The following MAP3K2 variants were observed in gnomAD, a reference collection of about 807,000 sequenced individuals.
The protein encoded by MAP3K2 is MAP/ERK kinase kinase 2.
Under a neutral mutation model 80.3 loss-of-function variants are expected in MAP3K2, and 24 were observed. That is an observed-to-expected ratio of 0.30 (90% CI 0.22 to 0.42). The LOEUF (loss-of-function observed/expected upper bound fraction) is 0.42, where lower values mean the gene tolerates loss of function less well. Among genes scored for constraint, MAP3K2 ranks in the 10% least tolerant of loss-of-function variants. The probability of loss-of-function intolerance (pLI) is 1.00; values close to 1 mark genes in which losing one functional copy is unlikely to be tolerated. For synonymous variants in MAP3K2, 244 were observed against 253.7 expected (o/e 0.96, Z 0.36); for missense variants, 608 against 750.1 (o/e 0.81, Z 2.21).
Position 127,305,657 on chromosome 2 carries a change from CTGT to C in MAP3K2, c.*1919_*1921del, listed in dbSNP as rs1281291831. The C allele has an allele frequency of 2.0e-5, 3 of 152,122 alleles. No individual in the cohort carries two copies. Among genetic ancestry groups the C allele is most frequent in the African/African-American group, 7.2e-5 (3 of 41,430 alleles). 9.4% of individuals were successfully genotyped at this position (152,122 alleles called of 1,614,324 possible). A position where few individuals can be genotyped will look rare whatever the true frequency, so the allele number is the denominator to read the frequency against. The stretch of plus-strand genomic sequence containing the variant: ...AGGGATTCTGGGGCCTCCAGGAAGA[CTGT>C]TGTTTTCTAGACCTTTAAAATAAAG... On this transcript the variant is annotated 3_prime_UTR_variant, in exon 17 of 17. Transcript: ENST00000682094.
chr2:127,326,933 T>C, intron 7 of MAP3K2, 116 bp from the exon 8 acceptor site: 1 of 627,516 alleles, frequency 1.6e-6, no homozygotes, highest in Non-Finnish European at 2.5e-6. Flanking sequence ...GAAAATTCAA[T>C]TTTTATTAAA....
At chr2:127,320,609 A>G (rs1685999109) in intron 12 of MAP3K2, among the ~76,000 whole-genome samples, 1 of 152,232 alleles carries the variant, frequency 6.6e-6, no homozygotes, top group Non-Finnish European at 1.5e-5. Flanking sequence ...AACTATAAAT[A>G]TAATAAACTG....
chr2:127,346,962 GC>G (rs1686606421), intron 1 of MAP3K2, among the ~76,000 whole-genome samples: 1 of 151,928 alleles, frequency 6.6e-6, no homozygotes, highest in Non-Finnish European at 1.5e-5. Flanking sequence ...CTGTACTCTA[GC>G]CCGCGCGACA....
At chr2:127,323,112 A>C (rs1386187954) in intron 11 of MAP3K2, among the ~76,000 whole-genome samples, 1 of 149,676 alleles carries the variant, frequency 6.7e-6, no homozygotes, top group African/African-American at 2.5e-5. Context: ...CTAAAAATAC[A>C]AAAATTAGGC....
In MAP3K2 at chr2:127,307,817, A is replaced by G; in HGVS notation, c.1635-13T>C. 6.5e-7 allele frequency: 1 copy of G among 1,537,672 alleles called. No homozygotes were observed. Among genetic ancestry groups the G allele is most frequent in the Non-Finnish European group, 8.9e-7 (1 of 1,128,822 alleles). On this transcript the variant is annotated splice_polypyrimidine_tract_variant and intron_variant, in intron 16 of 16. Transcript: ENST00000682094. The surrounding 1 kb of genome is among the most constrained non-coding windows in gnomAD (Gnocchi z 5.4). ...ACATGCAACACTCCTGAAAAGAAAC[A>G]AAAAGAAATACATTACACAAACAAC... is the stretch of plus-strand genomic sequence containing the variant.
intron 1 of MAP3K2, among the ~76,000 whole-genome samples, chr2:127,349,028 G>A (rs1028177078): frequency 1.3e-5 from 2 of 152,142 alleles, no homozygotes; most frequent in African/African-American, 2.4e-5. Context: ...CATTTTGTAA[G>A]CACTGACAAC....
chr2:127,300,327 T>C lies in MAP3K2; in HGVS notation c.*7252A>G, dbSNP rs1424003616. ...TCAATCTTAATAGGAAAAAAACCCT[T>C]TGTACATAATTATAAACTGCCCAGC... On this transcript the variant is annotated 3_prime_UTR_variant, in exon 17 of 17. Transcript: ENST00000682094. 2 of 152,154 alleles carry C rather than the reference T, an allele frequency of 1.3e-5. No homozygotes were observed. Among genetic ancestry groups the C allele is most frequent in the African/African-American group, 4.8e-5 (2 of 41,444 alleles). 9.4% of individuals were successfully genotyped at this position (152,154 alleles called of 1,614,324 possible).
intron 1 of MAP3K2, among the ~76,000 whole-genome samples, chr2:127,386,498 A>T (rs1202971734): frequency 6.6e-6 from 1 of 152,258 alleles, no homozygotes; most frequent in Non-Finnish European, 1.5e-5. Context: ...TCTCAAGCAA[A>T]TAACCCAACT....
chr2:127,309,292 A>G (rs1685764139), intron 15 of MAP3K2, among the ~76,000 whole-genome samples: 1 of 152,048 alleles, frequency 6.6e-6, no homozygotes, highest in African/African-American at 2.4e-5. Context: ...TTTACTTCCC[A>G]ATTTCTAATA....
chr2:127,300,915 T>C lies in MAP3K2; in HGVS notation c.*6664A>G, dbSNP rs1315145399. 9 of 152,236 alleles carry C rather than the reference T, an allele frequency of 5.9e-5. No individual in the cohort carries two copies. The highest frequency in any genetic ancestry group is 2.6e-4 in the Admixed American group (4 of 15,274). The allele number at this position is 152,236 out of a possible 1,614,324, so 9.4% of individuals were successfully genotyped here. A position where few individuals can be genotyped will look rare whatever the true frequency, so the allele number is the denominator to read the frequency against. On this transcript the variant is annotated 3_prime_UTR_variant, in exon 17 of 17. Coordinates refer to ENST00000682094, the MANE Select transcript of MAP3K2 (RefSeq NM_001371910.2). ...ATCTAATAGAGTTTAAGGTGTAATT[T>C]TGTTTCTTCTCCCCTCCAAGTAAAG...
At chr2:127,383,936 C>A (rs1409285386) in intron 1 of MAP3K2, among the ~76,000 whole-genome samples, 1 of 149,780 alleles carries the variant, frequency 6.7e-6, no homozygotes, top group Non-Finnish European at 1.5e-5. Context: ...TGCAGTGGCG[C>A]CATCTCTGCT....
intron 1 of MAP3K2, among the ~76,000 whole-genome samples, chr2:127,383,874 ATTTTTTTTT>A (rs111243354): frequency 8.5e-5 from 12 of 141,362 alleles, no homozygotes; most frequent in Non-Finnish European, 1.7e-4. Flanking sequence ...GCAACAAATA[ATTTTTTTTT>A]TTTTTTTTGA....
chr2:127,355,740 T>C (rs537663341), intron 1 of MAP3K2, among the ~76,000 whole-genome samples: 36 of 152,256 alleles, frequency 2.4e-4, no homozygotes, highest in Admixed American at 7.8e-4. Context: ...GCCGTGTCAA[T>C]TGACTCTTCC....
chr2:127,314,924 G>A (rs1343781194), intron 14 of MAP3K2, 41 bp from the exon 15 acceptor site: 2 of 1,459,082 alleles, frequency 1.4e-6, no homozygotes, highest in Non-Finnish European at 1.9e-6. Context: ...ACTGTATATG[G>A]TTTGAAATGA....
rs1299030575 is a variant in MAP3K2 at position 127,310,351 on chromosome 2, A to C, written c.1457-1589T>G. Among the ~76,000 whole-genome samples, 1 of 152,150 alleles carries C rather than the reference A, an allele frequency of 6.6e-6. No individual in the cohort carries two copies. The highest frequency in any genetic ancestry group is 1.5e-5 in the Non-Finnish European group (1 of 68,040). On this transcript the variant is annotated intron_variant, in intron 15 of 16. Coordinates refer to ENST00000682094, the MANE Select transcript of MAP3K2 (RefSeq NM_001371910.2). This position sits in a 1 kb window ranked among gnomAD's most constrained non-coding sequence, Gnocchi z 4.8. ...GTTCCTTTTAGTGGAGAATGGTATT[A>C]AAAAAACAAGATATTGGCCAGGTGC...
At chr2:127,372,754 G>A (rs936925801) in intron 1 of MAP3K2, among the ~76,000 whole-genome samples, 1 of 152,086 alleles carries the variant, frequency 6.6e-6, no homozygotes, top group Non-Finnish European at 1.5e-5. Context: ...GGGTAGAATA[G>A]TGATCTTTAA....
intron 1 of MAP3K2, among the ~76,000 whole-genome samples, chr2:127,375,301 C>G (rs1306875543): frequency 6.6e-6 from 1 of 152,124 alleles, no homozygotes. Context: ...AGGCCCCGGA[C>G]AGGATGCTCA....
intron 15 of MAP3K2, among the ~76,000 whole-genome samples, chr2:127,311,309 A>C (rs1685803243): frequency 6.6e-6 from 1 of 152,202 alleles, no homozygotes; most frequent in South Asian, 2.1e-4. Context: ...ATACTTAACC[A>C]GTGGAAGGAC....
At chr2:127,384,579 C>G (rs1343276852) in intron 1 of MAP3K2, among the ~76,000 whole-genome samples, 1 of 151,772 alleles carries the variant, frequency 6.6e-6, no homozygotes, top group East Asian at 1.9e-4. Flanking sequence ...GTAGATGTGA[C>G]GGAAAGAGCA....
Sources: allele counts gnomAD v4.1 joint callset (sites outside exome capture counted in the v4.1 genomes callset), GRCh38; gene constraint gnomAD v4.1.1; non-coding constraint Gnocchi (gnomAD v3.1); transcripts MANE v1.5; gene names NCBI Gene and HGNC (gene_info 2026-07-23, HGNC 2026-07-21).